The following SCN8A variants were observed in gnomAD, a reference collection of about 807,000 sequenced individuals.
SCN8A encodes sodium channel protein type 8 subunit alpha.
A neutral mutation model predicts 184.1 loss-of-function variants in SCN8A; 30 were observed. The observed-to-expected ratio is 0.16, with a 90% CI of 0.12 to 0.22. The LOEUF is 0.22. Ranked by LOEUF, SCN8A falls within the 10% of genes least tolerant of loss-of-function variation. The pLI is 1.00. For missense variants in SCN8A, 1,057 were observed against 2,498.9 expected (o/e 0.42, Z 12.30); for synonymous variants, 852 against 907.0 (o/e 0.94, Z 1.09).
chr12:51,672,431 G>C (rs1941149526), intron 2 of SCN8A, among the ~76,000 whole-genome samples: 1 of 151,756 alleles, frequency 6.6e-6, no homozygotes, highest in Admixed American at 6.6e-5. Flanking sequence ...TTACTTCCTT[G>C]GCCTAATTTT....
intron 14 of SCN8A, among the ~76,000 whole-genome samples, chr12:51,752,999 G>A (rs1942619237): frequency 6.6e-6 from 1 of 152,016 alleles, no homozygotes; most frequent in Non-Finnish European, 1.5e-5. Context: ...ATTTTGAGAG[G>A]CTTTTTCACC....
chr12:51,603,296 C>A (rs1939508999), intron 1 of SCN8A, among the ~76,000 whole-genome samples: 1 of 152,190 alleles, frequency 6.6e-6, no homozygotes, highest in Non-Finnish European at 1.5e-5. Flanking sequence ...AGACTGACTT[C>A]TTTTGCTGAG....
chr12:51,713,150 C>T (rs1941909248), intron 11 of SCN8A: 1 of 1,208,242 alleles, frequency 8.3e-7, no homozygotes, highest in African/African-American at 1.5e-5. Flanking sequence ...TCTATGGTTT[C>T]AATCTTGCCA....
At chr12:51,665,652 G>C (rs2138676044) in intron 2 of SCN8A, among the ~76,000 whole-genome samples, 1 of 152,244 alleles carries the variant, frequency 6.6e-6, no homozygotes. Flanking sequence ...GGTGGAAAAA[G>C]TCCACCTCCA....
intron 18 of SCN8A, 63 bp from the exon 19 acceptor site, chr12:51,770,466 G>GA: frequency 6.7e-7 from 1 of 1,484,956 alleles, no homozygotes; most frequent in African/African-American, 1.4e-5. Context: ...GGAGATGGAG[G>GA]AGAGGGCAGG....
At chr12:51,725,271 G>A (rs1942139122) in intron 12 of SCN8A, among the ~76,000 whole-genome samples, 1 of 152,170 alleles carries the variant, frequency 6.6e-6, no homozygotes, top group Non-Finnish European at 1.5e-5. Context: ...CCCAAAGGAA[G>A]AAAACAGCAA....
chr12:51,668,052 GCATGCCTATAGTCC>G (rs927336488), intron 2 of SCN8A, among the ~76,000 whole-genome samples: 2 of 151,990 alleles, frequency 1.3e-5, no homozygotes, highest in South Asian at 4.2e-4. Context: ...GTGTGGTGGT[GCATGCCTATAGTCC>G]CAGCTACTCA....
chr12:51,663,096 G>A lies in SCN8A; in HGVS notation c.276+3G>A. On this transcript the variant is annotated splice_donor_region_variant and intron_variant, in intron 2 of 26. Coordinates refer to ENST00000627620, the MANE Select transcript of SCN8A (RefSeq NM_001330260.2). ...ACCCATACTATTTGACGCAGAAAGT[G>A]AGTTGGAGGAGGAGGAGCAGCTGCA... The A allele has an allele frequency of 6.2e-7, 1 of 1,612,724 alleles. No individual in the cohort carries two copies. The highest frequency in any genetic ancestry group is 8.5e-7 in the Non-Finnish European group (1 of 1,178,752).
chr12:51,741,820 T>C (rs1942428381), intron 12 of SCN8A, among the ~76,000 whole-genome samples: 1 of 152,094 alleles, frequency 6.6e-6, no homozygotes, highest in Admixed American at 6.6e-5. Context: ...TTCTCCAGCC[T>C]CAGCCCCCCA....
chr12:51,660,770 A>C (rs1456444339), intron 1 of SCN8A, among the ~76,000 whole-genome samples: 1 of 152,198 alleles, frequency 6.6e-6, no homozygotes, highest in Non-Finnish European at 1.5e-5. Flanking sequence ...GCTTGGAATA[A>C]TGCTTGAAAC....
intron 14 of SCN8A, among the ~76,000 whole-genome samples, chr12:51,752,955 A>G (rs926212603): frequency 6.6e-6 from 1 of 151,994 alleles, no homozygotes; most frequent in Admixed American, 6.5e-5. Context: ...ACTTTTCCTT[A>G]CTTTTTACAG....
At chr12:51,759,192 C>T (rs563055765) in intron 14 of SCN8A, among the ~76,000 whole-genome samples, 191 of 151,794 alleles carry the variant, frequency 1.3e-3, no homozygotes, top group Non-Finnish European at 2.3e-3. Flanking sequence ...AGTAAAGGTG[C>T]TGGGACATTT....
chr12:51,625,592 T>C (rs925391420), intron 1 of SCN8A, among the ~76,000 whole-genome samples: 1 of 152,220 alleles, frequency 6.6e-6, no homozygotes, highest in African/African-American at 2.4e-5. Context: ...GTTGTCAAAC[T>C]GTGCGGTATT....
intron 1 of SCN8A, among the ~76,000 whole-genome samples, chr12:51,656,130 A>G (rs976051340): frequency 1.3e-5 from 2 of 152,230 alleles, no homozygotes; most frequent in African/African-American, 4.8e-5. Flanking sequence ...ATGGATGAAT[A>G]GAACTTAGGT....
chr12:51,631,104 A>C (rs1483931482), intron 1 of SCN8A, among the ~76,000 whole-genome samples: 1 of 152,216 alleles, frequency 6.6e-6, no homozygotes, highest in Non-Finnish European at 1.5e-5. Context: ...CAAGTTTTAG[A>C]TACACTTGGT....
chr12:51,749,443 GAGGAGATAAAA>G (rs1942562866), intron 13 of SCN8A, among the ~76,000 whole-genome samples: 1 of 152,194 alleles, frequency 6.6e-6, no homozygotes, highest in Non-Finnish European at 1.5e-5. Flanking sequence ...TTGGAGAAGG[GAGGAGATAAAA>G]AAGGGAACGG....
intron 1 of SCN8A, among the ~76,000 whole-genome samples, chr12:51,604,698 T>C (rs1210705734): frequency 6.6e-6 from 1 of 152,084 alleles, no homozygotes; most frequent in Non-Finnish European, 1.5e-5. Context: ...TGGCTAATTT[T>C]GTATTTTTCT....
chr12:51,770,071 G>A, intron 18 of SCN8A, 86 bp downstream of exon 18: 1 of 876,446 alleles, frequency 1.1e-6, no homozygotes, highest in Non-Finnish European at 1.8e-6. Flanking sequence ...TGGGTGAGGG[G>A]CAGCTCAGTG....
chr12:51,622,117 G>A (rs999827282), intron 1 of SCN8A, among the ~76,000 whole-genome samples: 3 of 152,150 alleles, frequency 2.0e-5, no homozygotes, highest in South Asian at 2.1e-4. Context: ...AATTTTTCTC[G>A]CTAACTTGAC....
Sources: allele counts gnomAD v4.1 joint callset (sites outside exome capture counted in the v4.1 genomes callset), GRCh38; gene constraint gnomAD v4.1.1; transcripts MANE v1.5; gene names NCBI Gene and HGNC (gene_info 2026-07-23, HGNC 2026-07-21).